The following CHLSN variants were observed in gnomAD, a reference collection of about 807,000 sequenced individuals.
The protein encoded by CHLSN is protein cholesin.
the CHLSN span, chr7:1,092,968 C>T: frequency 9.4e-7 from 1 of 1,060,896 alleles, no homozygotes; most frequent in Non-Finnish European, 1.4e-6. Flanking sequence ...GATGTGGCTT[C>T]TGGCTCCTCG....
At chr7:1,103,735 C>T in the CHLSN span, among the ~76,000 whole-genome samples, 1 of 152,332 alleles carries the variant, frequency 6.6e-6, no homozygotes, top group East Asian at 1.9e-4. Context: ...GGCTGTGCTC[C>T]GTCTCCCGTG....
the CHLSN span, among the ~76,000 whole-genome samples, chr7:1,013,706 A>T: frequency 3.3e-5 from 5 of 152,186 alleles, no homozygotes; most frequent in Admixed American, 3.3e-4. Context: ...CCGGCCTGTC[A>T]CAGACGTGTG....
At chr7:1,086,113 C>T in the CHLSN span, among the ~76,000 whole-genome samples, 1 of 152,366 alleles carries the variant, frequency 6.6e-6, no homozygotes, top group South Asian at 2.1e-4. Flanking sequence ...CTCGCCCGCC[C>T]AGGGCAGGCT....
the CHLSN span, among the ~76,000 whole-genome samples, chr7:994,313 A>T: frequency 6.6e-6 from 1 of 151,418 alleles, no homozygotes; most frequent in African/African-American, 2.4e-5. Context: ...GGCGCCCACC[A>T]CCACACCCAG....
the CHLSN span, among the ~76,000 whole-genome samples, chr7:1,055,919 G>A: frequency 2.6e-5 from 4 of 152,192 alleles, no homozygotes; most frequent in South Asian, 2.1e-4. Flanking sequence ...GGGGGGTGAC[G>A]TCCCCAAACT....
chr7:997,721 C>T, the CHLSN span: 8 of 1,611,632 alleles, frequency 5.0e-6, no homozygotes, highest in East Asian at 1.1e-4. Context: ...TCAGGGCTTC[C>T]GCCTTCTGCA....
the CHLSN span, among the ~76,000 whole-genome samples, chr7:1,062,590 C>G: frequency 2.0e-5 from 3 of 152,184 alleles, no homozygotes; most frequent in Non-Finnish European, 4.4e-5. Flanking sequence ...CCCACACAGG[C>G]GTTACTCCTC....
chr7:983,892 C>T, the CHLSN span, among the ~76,000 whole-genome samples: 5 of 152,244 alleles, frequency 3.3e-5, no homozygotes, highest in African/African-American at 1.2e-4. Context: ...GGCAGCCTGA[C>T]TAGCACTGTC....
At chr7:1,040,421 G>A in the CHLSN span, among the ~76,000 whole-genome samples, 7 of 152,074 alleles carry the variant, frequency 4.6e-5, no homozygotes, top group Non-Finnish European at 7.3e-5. Flanking sequence ...CTTGAGCCTG[G>A]GAGTTCAAGG....
chr7:1,098,642 T>C, the CHLSN span, among the ~76,000 whole-genome samples: 1 of 145,974 alleles, frequency 6.9e-6, no homozygotes, highest in South Asian at 2.2e-4. Flanking sequence ...CTCAGTGAGA[T>C]AAAGCAGACA....
the CHLSN span, among the ~76,000 whole-genome samples, chr7:1,102,511 T>G: frequency 6.6e-6 from 1 of 152,234 alleles, no homozygotes; most frequent in Non-Finnish European, 1.5e-5. Context: ...GGGACGGTCT[T>G]GCTTCTTTGG....
the CHLSN span, among the ~76,000 whole-genome samples, chr7:1,059,986 T>TA: frequency 1.6e-5 from 1 of 63,110 alleles, no homozygotes; most frequent in Non-Finnish European, 3.3e-5. Flanking sequence ...GGGGCGGGTC[T>TA]TAGTGGGGCG....
chr7:1,042,204 A>T, the CHLSN span, among the ~76,000 whole-genome samples: 3 of 152,280 alleles, frequency 2.0e-5, no homozygotes, highest in South Asian at 6.2e-4. Flanking sequence ...CCAGGAGCGC[A>T]CAACTGCCCT....
the CHLSN span, chr7:1,028,666 C>G: frequency 1.2e-6 from 1 of 823,544 alleles, no homozygotes; most frequent in Non-Finnish European, 1.5e-6. Context: ...CAGCCCCTAT[C>G]GTCCCCCTAC....
At chr7:1,134,793 T>A in the CHLSN span, among the ~76,000 whole-genome samples, 1 of 149,042 alleles carries the variant, frequency 6.7e-6, no homozygotes, top group Non-Finnish European at 1.5e-5. Flanking sequence ...AGGAGAATGA[T>A]GTGAACCTGG....
chr7:1,017,379 C>G, the CHLSN span, among the ~76,000 whole-genome samples: 4 of 152,152 alleles, frequency 2.6e-5, no homozygotes, highest in Non-Finnish European at 5.9e-5. Context: ...CTGCCGTGCC[C>G]TGCTGTGTGG....
the CHLSN span, among the ~76,000 whole-genome samples, chr7:1,064,707 T>A: frequency 1.3e-5 from 2 of 152,186 alleles, no homozygotes; most frequent in Non-Finnish European, 2.9e-5. Context: ...CCGAGTCACC[T>A]GGCCCCAGAC....
the CHLSN span, chr7:1,029,228 A>C: frequency 8.5e-5 from 13 of 152,180 alleles, no homozygotes; most frequent in Non-Finnish European, 1.5e-5. Flanking sequence ...CCTGGGCTCA[A>C]GTGATTTTCC....
the CHLSN span, among the ~76,000 whole-genome samples, chr7:1,073,650 GC>G: frequency 6.6e-6 from 1 of 151,534 alleles, no homozygotes; most frequent in African/African-American, 2.4e-5. Context: ...CTGCCGTGAT[GC>G]CCCCTGACTC....
Sources: allele counts gnomAD v4.1 joint callset (sites outside exome capture counted in the v4.1 genomes callset), GRCh38; gene constraint gnomAD v4.1.1; transcripts MANE v1.5; gene names NCBI Gene and HGNC (gene_info 2026-07-23, HGNC 2026-07-21).